HELZ: variants seen among roughly 807,000 people sequenced by gnomAD.
HELZ encodes helicase with zinc finger.
HELZ carries 23 observed loss-of-function variants against 218.2 expected under a neutral mutation model. The ratio of observed to expected loss-of-function variants is 0.11; its 90% CI spans 0.08 to 0.15. The LOEUF is 0.15. Ranked by LOEUF, HELZ falls within the 10% of genes least tolerant of loss-of-function variation. The pLI, the probability that HELZ is intolerant of heterozygous loss-of-function variation, is 1.00. For synonymous variants in HELZ, 814 were observed against 829.4 expected (o/e 0.98, Z 0.32); for missense variants, 1,813 against 2,353.7 (o/e 0.77, Z 4.75).
At position 67,095,229 on chromosome 17, in the gene HELZ, T is replaced by A. The variant is rs563624079; in HGVS notation, c.5242-8148A>T. ...CATCACAAAAAAACACTTTCTTTGT[T>A]CACCCATAACAAGAAATTTCTCACT... On this transcript the variant is annotated intron_variant, in intron 31 of 32. Coordinates refer to ENST00000358691, the MANE Select transcript of HELZ (RefSeq NM_014877.4). Among the ~76,000 whole-genome samples the A allele has an allele frequency of 7.2e-5, 11 of 152,298 alleles. 2 individuals carry two copies. The South Asian group carries it at 2.3e-3, about 32-fold the overall frequency.
At chr17:67,186,508 T>C (rs1344285625) in intron 12 of HELZ, among the ~76,000 whole-genome samples, 1 of 152,188 alleles carries the variant, frequency 6.6e-6, no homozygotes, top group Non-Finnish European at 1.5e-5. Context: ...GAGGCAGAAG[T>C]AGTCAAAGTA....
At chr17:67,147,014 T>C (rs576044172) in intron 20 of HELZ, among the ~76,000 whole-genome samples, 3 of 152,320 alleles carry the variant, frequency 2.0e-5, no homozygotes, top group East Asian at 1.9e-4. Context: ...AGAAATACTT[T>C]AAAACTTATT....
chr17:67,244,613 G>C, intron 1 of HELZ: 1 of 927,240 alleles, frequency 1.1e-6, no homozygotes, highest in Non-Finnish European at 1.3e-6. Context: ...TGAATCTCGG[G>C]CCGAGAGCCC....
intron 27 of HELZ, 21 bp from the exon 28 acceptor site, chr17:67,114,424 C>T (rs763889224): frequency 6.2e-6 from 9 of 1,460,272 alleles, no homozygotes; most frequent in Non-Finnish European, 8.6e-6. Flanking sequence ...ATTTAAAAAT[C>T]CTTATAAGTT....
At chr17:67,222,138 G>A (rs1200270511) in intron 3 of HELZ, among the ~76,000 whole-genome samples, 1 of 152,162 alleles carries the variant, frequency 6.6e-6, no homozygotes, top group Non-Finnish European at 1.5e-5. Context: ...ACTGTACCCA[G>A]CCTACATAAA....
At chr17:67,089,787 CATTAGTTACAGG>C (rs1481442914) in intron 31 of HELZ, among the ~76,000 whole-genome samples, 190 of 150,214 alleles carry the variant, frequency 1.3e-3, no homozygotes, top group African/African-American at 4.2e-3. Context: ...GCTAAATTCA[CATTAGTTACAGG>C]AATCTCCCAA....
intron 13 of HELZ, among the ~76,000 whole-genome samples, chr17:67,172,829 CTCCTGGGCTCAAAA>C (rs377452894): frequency 4.1e-4 from 63 of 152,308 alleles, no homozygotes; most frequent in African/African-American, 1.3e-3. Flanking sequence ...TGGTCTCAAA[CTCCTGGGCTCAAAA>C]GACCTGCCCA....
chr17:67,235,152 T>C (rs886248456), intron 3 of HELZ, among the ~76,000 whole-genome samples: 2 of 152,092 alleles, frequency 1.3e-5, no homozygotes, highest in African/African-American at 4.8e-5. Flanking sequence ...TGGTATGCCC[T>C]GAATGAGTTA....
At chr17:67,089,922 A>G (rs1371991024) in intron 31 of HELZ, among the ~76,000 whole-genome samples, 1 of 151,778 alleles carries the variant, frequency 6.6e-6, no homozygotes, top group African/African-American at 2.4e-5. Flanking sequence ...TTCTTGCCTT[A>G]TTGCACTGGC....
chr17:67,124,128 A>G, intron 24 of HELZ, 114 bp from the exon 25 acceptor site: 1 of 680,130 alleles, frequency 1.5e-6, no homozygotes, highest in Non-Finnish European at 2.5e-6. Context: ...TAAAATCTAA[A>G]AACTGTGAGT....
intron 3 of HELZ, among the ~76,000 whole-genome samples, chr17:67,230,741 C>T (rs1432755820): frequency 6.6e-6 from 1 of 151,978 alleles, no homozygotes; most frequent in African/African-American, 2.4e-5. Flanking sequence ...TCTGTGTAGA[C>T]ACAGAATCAC....
At chr17:67,190,441 C>A in intron 9 of HELZ, 86 bp from the exon 10 acceptor site, 1 of 973,714 alleles carries the variant, frequency 1.0e-6, no homozygotes, top group South Asian at 1.5e-5. Flanking sequence ...TCTGATTCTT[C>A]AATAAAAACA....
chr17:67,123,285 A>T (rs566251588), intron 25 of HELZ, 125 bp from the exon 26 acceptor site: 1 of 545,952 alleles, frequency 1.8e-6, no homozygotes, highest in African/African-American at 1.9e-5. Context: ...ATCATCAAAG[A>T]ATTATCAGTG....
At chr17:67,162,810 T>A (rs2039028600) in intron 15 of HELZ, among the ~76,000 whole-genome samples, 1 of 150,668 alleles carries the variant, frequency 6.6e-6, no homozygotes, top group Non-Finnish European at 1.5e-5. Context: ...GAAAAGTAAA[T>A]AAACTACAGC....
At chr17:67,099,206 T>C (rs1481431126) in intron 31 of HELZ, among the ~76,000 whole-genome samples, 2 of 152,226 alleles carry the variant, frequency 1.3e-5, no homozygotes, top group African/African-American at 4.8e-5. Flanking sequence ...TTTCGCCCAG[T>C]TCTGTTTCGG....
chr17:67,089,027 A>G (rs899297776), intron 31 of HELZ, among the ~76,000 whole-genome samples: 3 of 149,324 alleles, frequency 2.0e-5, no homozygotes, highest in Non-Finnish European at 4.4e-5. Flanking sequence ...ATTAGCTCTT[A>G]AAATTGAAAT....
chr17:67,215,066 C>T (rs1345703001), intron 5 of HELZ, among the ~76,000 whole-genome samples: 1 of 151,998 alleles, frequency 6.6e-6, no homozygotes, highest in Non-Finnish European at 1.5e-5. Context: ...ACTGCTTGAG[C>T]CTGGAAGGTA....
chr17:67,133,971 T>C (rs1048459514), intron 23 of HELZ, among the ~76,000 whole-genome samples: 1 of 152,238 alleles, frequency 6.6e-6, no homozygotes, highest in Non-Finnish European at 1.5e-5. Flanking sequence ...AGCAACATTC[T>C]AAACGAAATA....
intron 6 of HELZ, 43 bp from the exon 7 acceptor site, chr17:67,201,228 A>T: frequency 1.5e-6 from 2 of 1,317,668 alleles, no homozygotes; most frequent in Non-Finnish European, 2.2e-6. Context: ...TTAGTATATT[A>T]ATTCTTTACT....
Sources: gnomAD v4.1 joint callset for allele counts (sites outside exome capture counted in the v4.1 genomes callset) on GRCh38, gnomAD v4.1.1 for gene constraint, MANE v1.5 for transcripts, NCBI Gene and HGNC (gene_info 2026-07-23, HGNC 2026-07-21) for gene names.